Variants in BPNT1 observed in about 807,000 individuals in gnomAD.
The protein encoded by BPNT1 is 3'(2'), 5'-bisphosphate nucleotidase 1, also known as 3'(2'),5'-bisphosphate nucleotidase 1.
In BPNT1, 28 loss-of-function variants were observed where a neutral mutation model predicts 36.9. The ratio of observed to expected loss-of-function variants is 0.76; its 90% CI spans 0.56 to 1.04. The LOEUF (loss-of-function observed/expected upper bound fraction) is 1.04, where lower values mean the gene tolerates loss of function less well. Among genes scored for constraint, BPNT1 ranks in the 50% least tolerant of loss-of-function variants. The pLI, the probability that BPNT1 is intolerant of heterozygous loss-of-function variation, is 0.00. For missense variants in BPNT1, 313 were observed against 372.9 expected (o/e 0.84, Z 1.32); for synonymous variants, 119 against 130.9 (o/e 0.91, Z 0.62).
chr1:220,084,732 C>T (rs578206009), intron 1 of BPNT1, among the ~76,000 whole-genome samples: 1 of 152,308 alleles, frequency 6.6e-6, no homozygotes, highest in Non-Finnish European at 1.5e-5. Flanking sequence ...CATGGAAAAA[C>T]TTTCAGGCAT....
Position 220,057,791 on chromosome 1 carries a change from T to C in BPNT1, c.*1053A>G, listed in dbSNP as rs1350284536. The C allele has an allele frequency of 1.8e-6, 2 of 1,124,752 alleles. No individual in the cohort carries two copies. Among genetic ancestry groups the C allele is most frequent in the African/African-American group, 1.6e-5 (1 of 62,020 alleles). 69.7% of individuals were successfully genotyped at this position (1,124,752 alleles called of 1,614,324 possible). A position where few individuals can be genotyped will look rare whatever the true frequency, so the allele number is the denominator to read the frequency against. ...AAATCTGTTTCATAAGCATATATAA[T>C]AACATCATATATATTCTTAATTGGA... On this transcript the variant is annotated 3_prime_UTR_variant, in exon 9 of 9. Coordinates refer to ENST00000322067, the MANE Select transcript of BPNT1 (RefSeq NM_006085.6).
intron 3 of BPNT1, 93 bp from the exon 4 acceptor site, chr1:220,073,050 T>A (rs35685939): frequency 3.9e-5 from 40 of 1,036,468 alleles, no homozygotes; most frequent in Admixed American, 1.9e-4. Flanking sequence ...AGCATCACAG[T>A]TTTCACTAGT....
chr1:220,062,713 T>G, intron 7 of BPNT1, 44 bp downstream of exon 7: 1 of 1,591,398 alleles, frequency 6.3e-7, no homozygotes, highest in Non-Finnish European at 8.6e-7. Context: ...AGTATTTCAA[T>G]GATTCACTTG....
chr1:220,078,368 CTA>C (rs1049546928), intron 2 of BPNT1, among the ~76,000 whole-genome samples: 8 of 137,684 alleles, frequency 5.8e-5, no homozygotes, highest in African/African-American at 2.1e-4. Flanking sequence ...ACAAATATAA[CTA>C]TTAATTATAT....
At chr1:220,069,855 G>C (rs1663891170) in intron 4 of BPNT1, among the ~76,000 whole-genome samples, 1 of 151,960 alleles carries the variant, frequency 6.6e-6, no homozygotes, top group Admixed American at 6.6e-5. Flanking sequence ...AGAATCACTT[G>C]AACTCAGGAG....
chr1:220,074,327 C>A (rs1307434412), intron 2 of BPNT1, among the ~76,000 whole-genome samples: 1 of 152,172 alleles, frequency 6.6e-6, no homozygotes, highest in Non-Finnish European at 1.5e-5. Context: ...CTCTAGACAT[C>A]AACCTTTTGC....
At chr1:220,063,530 T>C (rs2102642547) in intron 6 of BPNT1, among the ~76,000 whole-genome samples, 1 of 152,286 alleles carries the variant, frequency 6.6e-6, no homozygotes, top group African/African-American at 2.4e-5. Context: ...CATAAACTGA[T>C]TACTGTTTCT....
intron 6 of BPNT1, among the ~76,000 whole-genome samples, chr1:220,065,444 T>C (rs1411805497): frequency 6.6e-6 from 1 of 152,248 alleles, no homozygotes; most frequent in African/African-American, 2.4e-5. Context: ...AGTATGAAGA[T>C]AGACTGAGTT....
At chr1:220,067,015 CAT>C in intron 6 of BPNT1, 1 of 156,100 alleles carries the variant, frequency 6.4e-6, no homozygotes, top group Non-Finnish European at 1.4e-5. Context: ...CATACACATG[CAT>C]ATATATACAT....
chr1:220,065,518 T>C (rs1571740595), intron 6 of BPNT1, among the ~76,000 whole-genome samples: 1 of 152,296 alleles, frequency 6.6e-6, no homozygotes, highest in East Asian at 1.9e-4. Flanking sequence ...ATAATAAAGT[T>C]TGAATTGCTA....
At chr1:220,089,073 C>G (rs967454914) in intron 1 of BPNT1, among the ~76,000 whole-genome samples, 6 of 132,550 alleles carry the variant, frequency 4.5e-5, no homozygotes, top group African/African-American at 1.8e-4. Context: ...TGCACTCAAG[C>G]CTGGGCGACA....
chr1:220,074,685 A>G (rs563868578), intron 2 of BPNT1, among the ~76,000 whole-genome samples: 26 of 151,584 alleles, frequency 1.7e-4, no homozygotes, highest in Non-Finnish European at 2.9e-4. Context: ...TAGTAGAGAC[A>G]GGGATTCACC....
At chr1:220,074,401 A>G (rs1448405075) in intron 2 of BPNT1, among the ~76,000 whole-genome samples, 1 of 152,194 alleles carries the variant, frequency 6.6e-6, no homozygotes, top group Non-Finnish European at 1.5e-5. Context: ...TTATTAGAAA[A>G]GTGTTCCGTG....
chr1:220,078,187 T>TA (rs756467379), intron 2 of BPNT1, among the ~76,000 whole-genome samples: 1,208 of 116,792 alleles, frequency 0.01, 13 homozygotes, highest in Middle Eastern at 0.026. Context: ...CTTGTCTCTT[T>TA]AAAAAAAAAA....
intron 2 of BPNT1, among the ~76,000 whole-genome samples, chr1:220,078,397 TA>T (rs1188265437): frequency 2.2e-4 from 31 of 142,050 alleles, no homozygotes; most frequent in African/African-American, 3.1e-4. Flanking sequence ...ATTATAATTA[TA>T]TATAAATAAT....
chr1:220,076,447 G>A (rs2577135), intron 2 of BPNT1, among the ~76,000 whole-genome samples: 5,762 of 147,414 alleles, frequency 0.039, 373 homozygotes, highest in African/African-American at 0.14. Context: ...CTTGTAGTGA[G>A]CCAAGATCAT....
chr1:220,067,359 A>C lies in BPNT1; in HGVS notation c.417T>G (p.Ile139Met). ...CTGCTATGGCTTTTCCTTCATAAGCAATTCCAATAAGAACTGTTACATTGT... is the reference window on the plus strand; with the variant it reads ...CTGCTATGGCTTTTCCTTCATAAGCCATTCCAATAAGAACTGTTACATTGT... ...LLDNVTVLIG[I>M]AYEGKAIAGV... Residue 139 changes from isoleucine (I) to methionine (M), a missense_variant, in exon 6 of 9, where the codon ATT becomes ATG. Coordinates refer to ENST00000322067, the MANE Select transcript of BPNT1 (RefSeq NM_006085.6). 6.2e-7 allele frequency: 1 copy of C among 1,610,434 alleles called. No individual in the cohort carries two copies. Among genetic ancestry groups the C allele is most frequent in the East Asian group, 2.2e-5 (1 of 44,568 alleles).
Position 220,057,851 on chromosome 1 carries a change from G to A in BPNT1, c.*993C>T. 1.5e-6 allele frequency: 2 copies of A among 1,303,168 alleles called. No homozygotes were observed. The highest frequency in any genetic ancestry group is 2.0e-6 in the Non-Finnish European group (2 of 988,298). 80.7% of individuals were successfully genotyped at this position (1,303,168 alleles called of 1,614,324 possible). A position where few individuals can be genotyped will look rare whatever the true frequency, so the allele number is the denominator to read the frequency against. Reference sequence around the variant, plus strand: ...TTTTTAAAATTACTGTGAAAAACAAGAGTGAGATTCCAGAAAAAATTGTGC... The same window carrying A: ...TTTTTAAAATTACTGTGAAAAACAAAAGTGAGATTCCAGAAAAAATTGTGC... On this transcript the variant is annotated 3_prime_UTR_variant, in exon 9 of 9. Coordinates refer to ENST00000322067, the MANE Select transcript of BPNT1 (RefSeq NM_006085.6).
intron 2 of BPNT1, among the ~76,000 whole-genome samples, chr1:220,078,479 AAAT>A (rs35619743): frequency 3.6e-5 from 5 of 140,394 alleles, no homozygotes; most frequent in African/African-American, 7.8e-5. Flanking sequence ...AATTTATAAT[AAAT>A]AATAATTTAT....
Sources: allele counts gnomAD v4.1 joint callset (sites outside exome capture counted in the v4.1 genomes callset), GRCh38; gene constraint gnomAD v4.1.1; transcripts MANE v1.5; gene names NCBI Gene and HGNC (gene_info 2026-07-23, HGNC 2026-07-21).